The following STK3 variants were observed in gnomAD, a reference collection of about 807,000 sequenced individuals.
STK3 encodes the protein serine/threonine-protein kinase 3.
In STK3, 41 loss-of-function variants were observed where a neutral mutation model predicts 58.0. The ratio of observed to expected loss-of-function variants is 0.71; its 90% CI spans 0.55 to 0.92. The LOEUF is 0.92. STK3 is among the 40% of genes least tolerant of loss of function. The pLI is 0.00. For synonymous variants in STK3, 170 were observed against 191.0 expected, an observed-to-expected ratio of 0.89 and a Z score of 0.91; for missense variants, 479 against 602.7, an observed-to-expected ratio of 0.79 and a Z score of 2.15.
chr8:98,357,280 TA>T, the STK3 span, among the ~76,000 whole-genome samples: 1 of 152,180 alleles, frequency 6.6e-6, no homozygotes, highest in Non-Finnish European at 1.5e-5. Flanking sequence ...ACCCAGGGTT[TA>T]CCTGCCTGGG....
intron 1 of STK3, among the ~76,000 whole-genome samples, chr8:98,444,022 T>G (rs953026820): frequency 1.1e-4 from 16 of 152,234 alleles, no homozygotes; most frequent in Non-Finnish European, 2.4e-4. Context: ...CACCCATCAT[T>G]TGACAAACGT....
At chr8:98,680,478 A>G (rs770005139) in intron 6 of STK3, among the ~76,000 whole-genome samples, 27 of 152,216 alleles carry the variant, frequency 1.8e-4, no homozygotes, top group Admixed American at 1.6e-3. Context: ...TATGATGGCT[A>G]TAAGAACACA....
At chr8:98,651,010 G>A (rs1820870534) in intron 6 of STK3, among the ~76,000 whole-genome samples, 1 of 152,236 alleles carries the variant, frequency 6.6e-6, no homozygotes, top group Non-Finnish European at 1.5e-5. Context: ...GCACGCAGCT[G>A]GAGATCTGAG....
At chr8:98,524,072 G>A (rs1480279624) in intron 10 of STK3, among the ~76,000 whole-genome samples, 2 of 152,208 alleles carry the variant, frequency 1.3e-5, no homozygotes, top group South Asian at 2.1e-4. Flanking sequence ...TTTGCATGTG[G>A]ATATCCAGTT....
At chr8:98,640,195 A>G (rs1819910300) in intron 6 of STK3, among the ~76,000 whole-genome samples, 1 of 152,044 alleles carries the variant, frequency 6.6e-6, no homozygotes. Flanking sequence ...CTGGGACTAC[A>G]GGCACAAGCC....
intron 1 of STK3, among the ~76,000 whole-genome samples, chr8:98,884,865 T>C (rs1276109406): frequency 6.6e-6 from 1 of 152,208 alleles, no homozygotes; most frequent in African/African-American, 2.4e-5. Flanking sequence ...ATGTCCTCAA[T>C]GAATATTTAT....
chr8:98,387,663 G>A (rs765203333), intron 1 of STK3, among the ~76,000 whole-genome samples: 4 of 152,132 alleles, frequency 2.6e-5, no homozygotes, highest in African/African-American at 4.8e-5. Flanking sequence ...CAGGAGAATC[G>A]CTTGAACCTG....
chr8:98,905,841 C>A (rs1838876334), intron 1 of STK3, among the ~76,000 whole-genome samples: 1 of 152,196 alleles, frequency 6.6e-6, no homozygotes, highest in Admixed American at 6.5e-5. Flanking sequence ...ATCAGAGAAT[C>A]CAGCGCAGCC....
chr8:98,845,003 T>C (rs943103691), intron 3 of STK3, among the ~76,000 whole-genome samples: 3 of 152,214 alleles, frequency 2.0e-5, no homozygotes, highest in African/African-American at 7.2e-5. Flanking sequence ...CCAGTGGCAA[T>C]GACTTGAGAT....
intron 1 of STK3, among the ~76,000 whole-genome samples, chr8:98,928,323 A>G (rs769428399): frequency 2.0e-5 from 3 of 152,212 alleles, no homozygotes; most frequent in Non-Finnish European, 4.4e-5. Flanking sequence ...TGCCTTATCA[A>G]TACCTGGATT....
intron 3 of STK3, among the ~76,000 whole-genome samples, chr8:98,835,317 T>C (rs1003242164): frequency 1.3e-5 from 2 of 152,204 alleles, no homozygotes; most frequent in African/African-American, 4.8e-5. Context: ...GTAATTTTTC[T>C]TTACCAGATG....
At chr8:98,796,263 C>A (rs1351629641) in intron 1 of STK3, among the ~76,000 whole-genome samples, 1 of 152,086 alleles carries the variant, frequency 6.6e-6, no homozygotes, top group Admixed American at 6.5e-5. Context: ...GCTACTTTAA[C>A]CAAAAAATCA....
intron 6 of STK3, among the ~76,000 whole-genome samples, chr8:98,703,597 C>G (rs1825765553): frequency 6.6e-6 from 1 of 152,078 alleles, no homozygotes; most frequent in African/African-American, 2.4e-5. Flanking sequence ...CTTTGATCAC[C>G]CCATTTCCTT....
In STK3 at chr8:98,540,850, T is replaced by C. The variant is rs1402448854; in HGVS notation, c.1141+7119A>G. Among the ~76,000 whole-genome samples, 3 of 152,066 alleles carry C rather than the reference T, an allele frequency of 2.0e-5. No homozygotes were observed. In the South Asian group the frequency reaches 6.2e-4, roughly 32 times the overall value. On this transcript the variant is annotated intron_variant, in intron 9 of 10. Coordinates refer to ENST00000419617, the MANE Select transcript of STK3 (RefSeq NM_006281.4). ...GCTATATGCCTGCTAGTTTAGTTAT[T>C]TCCTTCTTACAAGCCCTGTCATAGA...
chr8:98,407,897 G>C (rs1818014255), intron 3 of STK3, among the ~76,000 whole-genome samples: 1 of 152,228 alleles, frequency 6.6e-6, no homozygotes, highest in African/African-American at 2.4e-5. Flanking sequence ...TTGGATATGG[G>C]GGAAGAAAGG....
intron 1 of STK3, among the ~76,000 whole-genome samples, chr8:98,380,492 A>AT (rs1190181303): frequency 2.6e-5 from 4 of 152,114 alleles, no homozygotes; most frequent in Non-Finnish European, 5.9e-5. Context: ...TGAAACTAAC[A>AT]TTTTTTCTCA....
chr8:98,513,388 T>C (rs1014209504), intron 10 of STK3, among the ~76,000 whole-genome samples: 6 of 152,098 alleles, frequency 3.9e-5, no homozygotes, highest in Non-Finnish European at 8.8e-5. Context: ...AGATATTACA[T>C]CAAAGACACG....
chr8:98,359,273 C>T, the STK3 span, among the ~76,000 whole-genome samples: 1 of 145,570 alleles, frequency 6.9e-6, no homozygotes, highest in African/African-American at 2.5e-5. Context: ...TTTCGGAGGC[C>T]GAGGCGGGCG....
chr8:98,583,076 A>G (rs971667084), intron 7 of STK3, among the ~76,000 whole-genome samples: 2 of 151,814 alleles, frequency 1.3e-5, no homozygotes, highest in Non-Finnish European at 2.9e-5. Context: ...TATTCATACT[A>G]TCTTTTTATA....
Sources: gnomAD v4.1 joint callset for allele counts (sites outside exome capture counted in the v4.1 genomes callset) on GRCh38, gnomAD v4.1.1 for gene constraint, MANE v1.5 for transcripts, NCBI Gene and HGNC (gene_info 2026-07-23, HGNC 2026-07-21) for gene names.